Variants in MAD1L1 observed in about 807,000 individuals in gnomAD.
MAD1L1 encodes the protein mitotic spindle assembly checkpoint protein MAD1.
A neutral mutation model predicts 96.9 loss-of-function variants in MAD1L1; 95 were observed. The observed-to-expected ratio is 0.98, with a 90% CI of 0.83 to 1.16. MAD1L1 has a LOEUF of 1.16. Ranked by LOEUF, MAD1L1 falls within the 50% of genes most tolerant of loss-of-function variation. The pLI is 0.00. For synonymous variants in MAD1L1, 473 were observed against 396.6 expected (o/e 1.19, Z -2.29); for missense variants, 1,007 against 954.4 (o/e 1.06, Z -0.73).
At chr7:2,049,714 C>T (rs1219573544) in intron 12 of MAD1L1, among the ~76,000 whole-genome samples, 1 of 152,238 alleles carries the variant, frequency 6.6e-6, no homozygotes, top group Non-Finnish European at 1.5e-5. Context: ...TCATCAGCAC[C>T]AGTGTCCAGG....
chr7:2,157,193 G>A (rs1789889652), intron 10 of MAD1L1, among the ~76,000 whole-genome samples: 1 of 152,212 alleles, frequency 6.6e-6, no homozygotes, highest in East Asian at 1.9e-4. Context: ...AGAGTGCTAA[G>A]TAATACAATA....
intron 14 of MAD1L1, among the ~76,000 whole-genome samples, chr7:1,996,272 C>G (rs1781555520): frequency 3.5e-5 from 1 of 28,846 alleles, no homozygotes; most frequent in African/African-American, 1.2e-4. Context: ...GGGCAGGGTC[C>G]CCCCGGGTCT....
chr7:1,928,979 C>T (rs370203717), intron 17 of MAD1L1, among the ~76,000 whole-genome samples: 4 of 152,152 alleles, frequency 2.6e-5, no homozygotes, highest in East Asian at 3.9e-4. Flanking sequence ...GGACACGCGC[C>T]GATACAGACA....
At chr7:2,178,385 A>G (rs1791039942) in intron 10 of MAD1L1, among the ~76,000 whole-genome samples, 1 of 152,168 alleles carries the variant, frequency 6.6e-6, no homozygotes, top group Admixed American at 6.5e-5. Context: ...TGCTCATTCA[A>G]TAAAGCATGA....
chr7:1,901,970 G>A (rs1052634930), intron 17 of MAD1L1, among the ~76,000 whole-genome samples: 1 of 152,230 alleles, frequency 6.6e-6, no homozygotes, highest in African/African-American at 2.4e-5. Context: ...GGGATGCAGG[G>A]ACACAGGCCT....
chr7:1,966,023 C>G (rs1171445460), intron 15 of MAD1L1, among the ~76,000 whole-genome samples: 3 of 152,224 alleles, frequency 2.0e-5, no homozygotes, highest in Non-Finnish European at 4.4e-5. Flanking sequence ...CCGGTGAGAG[C>G]TGAGGGCGTC....
intron 17 of MAD1L1, among the ~76,000 whole-genome samples, chr7:1,905,857 C>T (rs1787594244): frequency 6.6e-6 from 1 of 152,112 alleles, no homozygotes; most frequent in Non-Finnish European, 1.5e-5. Context: ...CAAGACCATC[C>T]TGGCCAACAT....
chr7:2,116,988 A>C (rs1329662352), intron 11 of MAD1L1, among the ~76,000 whole-genome samples: 1 of 152,230 alleles, frequency 6.6e-6, no homozygotes, highest in Non-Finnish European at 1.5e-5. Flanking sequence ...CACCACCCGA[A>C]GACAAGGAAA....
Position 1,910,771 on chromosome 7 carries a change from G to T in MAD1L1, c.1808-12381C>A, listed in dbSNP as rs915475589. Among the ~76,000 whole-genome samples, 16 of 152,210 alleles carry T rather than the reference G, an allele frequency of 1.1e-4. 1 individual carries two copies. The highest frequency in any genetic ancestry group is 9.8e-4 in the Admixed American group (15 of 15,288). On this transcript the variant is annotated intron_variant, in intron 17 of 18. Transcript: ENST00000265854. ...CGGGGCAGGAACACGCAGCCTCGCT[G>T]CACCCATCCCAGCCGGGCCCCGCCC...
intron 10 of MAD1L1, among the ~76,000 whole-genome samples, chr7:2,189,559 T>C (rs1791619286): frequency 6.6e-6 from 1 of 151,276 alleles, no homozygotes; most frequent in South Asian, 2.1e-4. Flanking sequence ...GACAAATATT[T>C]CATGATTCTC....
intron 1 of MAD1L1, among the ~76,000 whole-genome samples, chr7:2,231,861 C>G (rs184591980): frequency 1.3e-5 from 2 of 152,158 alleles, no homozygotes; most frequent in African/African-American, 4.8e-5. Context: ...AATCTACTTG[C>G]AAAGTTGTGG....
At chr7:2,225,359 C>T in intron 4 of MAD1L1, 51 bp downstream of exon 4, 2 of 1,606,264 alleles carry the variant, frequency 1.2e-6, no homozygotes, top group Non-Finnish European at 1.7e-6. Context: ...GTGCACAGCC[C>T]CCTTGCTTCC....
chr7:2,057,227 G>A (rs1784421068), intron 12 of MAD1L1, among the ~76,000 whole-genome samples: 2 of 152,256 alleles, frequency 1.3e-5, no homozygotes, highest in African/African-American at 2.4e-5. Flanking sequence ...GAGACGCACA[G>A]TAAGAATCTG....
At chr7:2,118,543 C>A (rs1422899607) in intron 11 of MAD1L1, among the ~76,000 whole-genome samples, 1 of 152,246 alleles carries the variant, frequency 6.6e-6, no homozygotes, top group African/African-American at 2.4e-5. Flanking sequence ...CTACTCAACA[C>A]ACTGGGCCAG....
chr7:1,883,987 G>A (rs1051057250), intron 18 of MAD1L1, among the ~76,000 whole-genome samples: 2 of 152,196 alleles, frequency 1.3e-5, no homozygotes, highest in Admixed American at 6.5e-5. Context: ...CGCAGGCCCC[G>A]CGCTGCACAG....
chr7:1,828,536 G>A (rs1489983296), intron 18 of MAD1L1, among the ~76,000 whole-genome samples: 1 of 152,228 alleles, frequency 6.6e-6, no homozygotes, highest in Non-Finnish European at 1.5e-5. Context: ...CGGCTCCAGG[G>A]CACAGCACTG....
intron 18 of MAD1L1, among the ~76,000 whole-genome samples, chr7:1,822,539 T>C (rs570757833): frequency 1.2e-4 from 18 of 151,294 alleles, no homozygotes; most frequent in African/African-American, 4.4e-4. Context: ...GCAATCTTCC[T>C]GCCTCAACGT....
intron 15 of MAD1L1, among the ~76,000 whole-genome samples, chr7:1,960,341 A>G (rs554325267): frequency 1.3e-5 from 2 of 152,314 alleles, no homozygotes; most frequent in South Asian, 4.1e-4. Flanking sequence ...TCATAAACAA[A>G]TTAGATGTAA....
At chr7:2,231,481 C>T (rs368910869) in intron 1 of MAD1L1, among the ~76,000 whole-genome samples, 10 of 151,998 alleles carry the variant, frequency 6.6e-5, no homozygotes, top group Admixed American at 3.9e-4. Context: ...GTGGCGTGCA[C>T]CTGTAATCCC....
Sources: allele counts gnomAD v4.1 joint callset (sites outside exome capture counted in the v4.1 genomes callset), GRCh38; gene constraint gnomAD v4.1.1; transcripts MANE v1.5; gene names NCBI Gene and HGNC (gene_info 2026-07-23, HGNC 2026-07-21).